The following CREB5 variants were observed in gnomAD, a reference collection of about 807,000 sequenced individuals.
CREB5 encodes the protein cyclic AMP-responsive element-binding protein 5.
In CREB5, 19 loss-of-function variants were observed where a neutral mutation model predicts 57.1. The ratio of observed to expected loss-of-function variants is 0.33; its 90% CI spans 0.23 to 0.49. The LOEUF (loss-of-function observed/expected upper bound fraction) is 0.49. Ranked by LOEUF, CREB5 falls within the 20% of genes least tolerant of loss-of-function variation. CREB5 has a pLI of 0.99. For synonymous variants in CREB5, 238 were observed against 238.3 expected (o/e 1.00, Z 0.01); for missense variants, 579 against 671.6 (o/e 0.86, Z 1.52).
At chr7:28,701,534 GAT>G (rs1367272213) in intron 5 of CREB5, among the ~76,000 whole-genome samples, 2 of 152,164 alleles carry the variant, frequency 1.3e-5, no homozygotes, top group African/African-American at 2.4e-5. Flanking sequence ...ATAAAAGGTT[GAT>G]TCCAATTTAA....
At chr7:28,333,363 C>T (rs1785751642) in intron 1 of CREB5, among the ~76,000 whole-genome samples, 1 of 152,088 alleles carries the variant, frequency 6.6e-6, no homozygotes, top group African/African-American at 2.4e-5. Context: ...ATGGCATATC[C>T]ATCAACTCAA....
At chr7:28,668,333 A>G (rs1799904841) in intron 5 of CREB5, among the ~76,000 whole-genome samples, 1 of 152,222 alleles carries the variant, frequency 6.6e-6, no homozygotes, top group East Asian at 1.9e-4. Flanking sequence ...TTCCAAAATG[A>G]AGGGTCATAT....
In CREB5 at chr7:28,461,779, G is replaced by T. The variant is rs765763280; in HGVS notation, c.4-26396G>T. Among the ~76,000 whole-genome samples the T allele has an allele frequency of 6.6e-5, 10 of 152,066 alleles. No individual in the cohort carries two copies. The South Asian group carries it at 8.3e-4, about 13-fold the overall frequency. On this transcript the variant is annotated intron_variant, in intron 1 of 10. Coordinates refer to ENST00000357727, the MANE Select transcript of CREB5 (RefSeq NM_182898.4). ...AAATTCTCATGTCACAATGTGTCCT[G>T]ATTTTGTTTCAGAAGATATGTAAAT...
intron 1 of CREB5, among the ~76,000 whole-genome samples, chr7:28,310,842 G>A (rs925446769): frequency 6.6e-6 from 1 of 152,090 alleles, no homozygotes; most frequent in East Asian, 1.9e-4. Context: ...TATTACACTC[G>A]ATGAACAGAG....
At chr7:28,728,634 T>C (rs746626833) in intron 7 of CREB5, among the ~76,000 whole-genome samples, 17 of 152,246 alleles carry the variant, frequency 1.1e-4, no homozygotes, top group Non-Finnish European at 2.5e-4. Context: ...TTTCTTATTT[T>C]ACACGTGTGT....
At chr7:28,584,012 A>C (rs563602514) in intron 5 of CREB5, among the ~76,000 whole-genome samples, 30 of 152,030 alleles carry the variant, frequency 2.0e-4, no homozygotes, top group African/African-American at 7.2e-4. Context: ...CTTCCACTCC[A>C]CTTTTTAGTT....
rs774123431 is a variant in CREB5, at chr7:28,821,369, T to A, written c.*2090T>A. On this transcript the variant is annotated 3_prime_UTR_variant, in exon 11 of 11. Transcript: ENST00000357727. ...TTTTTAAATCAATATTTATCAACAA[T>A]CTTTCCTTGTATGCAGTGCTTTCAA... 3 of 151,814 alleles carry A rather than the reference T, an allele frequency of 2.0e-5. No homozygotes were observed. The highest frequency in any genetic ancestry group is 2.9e-5 in the Non-Finnish European group (2 of 67,970). The allele number at this position is 151,814 out of a possible 1,614,324, so 9.4% of individuals were successfully genotyped here.
chr7:28,785,657 A>C (rs1030221077), intron 7 of CREB5, among the ~76,000 whole-genome samples: 1 of 152,206 alleles, frequency 6.6e-6, no homozygotes, highest in South Asian at 2.1e-4. Flanking sequence ...TGTTTACTGC[A>C]GGGTTTTGTG....
At chr7:28,425,235 G>T (rs778643730) in intron 1 of CREB5, among the ~76,000 whole-genome samples, 2 of 151,862 alleles carry the variant, frequency 1.3e-5, no homozygotes, top group African/African-American at 4.8e-5. Flanking sequence ...AAAATATGGT[G>T]CATCCATATA....
rs142222378 is a variant in CREB5, at chr7:28,774,229, G to C, written c.703-29970G>C. Among the ~76,000 whole-genome samples, 138 of 152,276 alleles carry C rather than the reference G, an allele frequency of 9.1e-4. No homozygotes were observed. The East Asian group carries it at 0.019, about 21-fold the overall frequency. Reference sequence around the variant, plus strand: ...TTTCACATTTCCAGAATTTCAACTGGTGGGTAAAACCAATGGCTACTGCAG... The same window carrying C: ...TTTCACATTTCCAGAATTTCAACTGCTGGGTAAAACCAATGGCTACTGCAG... On this transcript the variant is annotated intron_variant, in intron 7 of 10. Transcript: ENST00000357727.
chr7:28,439,056 C>T (rs903965780), intron 1 of CREB5, among the ~76,000 whole-genome samples: 2 of 152,142 alleles, frequency 1.3e-5, no homozygotes, highest in Non-Finnish European at 2.9e-5. Flanking sequence ...ACAGACAGAT[C>T]TACTTGTGAT....
intron 5 of CREB5, among the ~76,000 whole-genome samples, chr7:28,698,823 T>C (rs1801702773): frequency 6.6e-6 from 1 of 152,196 alleles, no homozygotes; most frequent in African/African-American, 2.4e-5. Context: ...CACCTCAGAA[T>C]TCTTCCTGGC....
chr7:28,456,812 G>A (rs1049372769), intron 1 of CREB5, among the ~76,000 whole-genome samples: 1 of 152,226 alleles, frequency 6.6e-6, no homozygotes, highest in African/African-American at 2.4e-5. Context: ...ACAGAATTGT[G>A]CCTGGGCACA....
In CREB5 at chr7:28,560,987, T is replaced by TGCGTGCGCGTGC. The variant is rs1212595303; in HGVS notation, c.292-9377_292-9376insCGTGCGCGTGCG. On this transcript the variant is annotated intron_variant, in intron 4 of 10. Coordinates refer to ENST00000357727, the MANE Select transcript of CREB5 (RefSeq NM_182898.4). The stretch of plus-strand genomic sequence containing the variant: ...GTGTGTGTGTGCGTGTGTGCGTGCG[T>TGCGTGCGCGTGC]GTGTGTGCCTGCGTGTGCGTGTGTG... Among the ~76,000 whole-genome samples, 48 of 64,484 alleles carry TGCGTGCGCGTGC rather than the reference T, an allele frequency of 7.4e-4. 2 individuals carry two copies. The highest frequency in any genetic ancestry group is 7.6e-4 in the South Asian group (1 of 1,316). 42.3% of individuals were successfully genotyped at this position (64,484 alleles called of 152,430 possible). A position where few individuals can be genotyped will look rare whatever the true frequency, so the allele number is the denominator to read the frequency against.
intron 5 of CREB5, among the ~76,000 whole-genome samples, chr7:28,657,717 G>GAAAAA (rs59307921): frequency 4.3e-4 from 23 of 54,000 alleles, no homozygotes; most frequent in African/African-American, 8.8e-4. Context: ...ACTCTCTCTC[G>GAAAAA]AAAAAAAAAA....
At chr7:28,385,505 T>A (rs1430273772) in intron 1 of CREB5, among the ~76,000 whole-genome samples, 1 of 151,940 alleles carries the variant, frequency 6.6e-6, no homozygotes, top group East Asian at 1.9e-4. Context: ...GGTGAAACCC[T>A]GTCTCTACAA....
chr7:28,747,397 A>G (rs909305469), intron 7 of CREB5, among the ~76,000 whole-genome samples: 1 of 152,240 alleles, frequency 6.6e-6, no homozygotes, highest in South Asian at 2.1e-4. Context: ...ATGAGAAAGA[A>G]GCATTTAGAA....
At chr7:28,495,264 G>A (rs746314962) in intron 3 of CREB5, among the ~76,000 whole-genome samples, 1 of 152,100 alleles carries the variant, frequency 6.6e-6, no homozygotes, top group South Asian at 2.1e-4. Context: ...CTGGCTGGGC[G>A]CTATGGCTCA....
chr7:28,808,893 C>T (rs914738580), intron 8 of CREB5, among the ~76,000 whole-genome samples: 1 of 151,992 alleles, frequency 6.6e-6, no homozygotes, highest in Non-Finnish European at 1.5e-5. Context: ...TAAATGTTTC[C>T]TCTACCATGA....
Sources: gnomAD v4.1 joint callset for allele counts (sites outside exome capture counted in the v4.1 genomes callset) on GRCh38, gnomAD v4.1.1 for gene constraint, MANE v1.5 for transcripts, NCBI Gene and HGNC (gene_info 2026-07-23, HGNC 2026-07-21) for gene names.